PHACTR3: variants seen among roughly 807,000 people sequenced by gnomAD.
PHACTR3 encodes the protein phosphatase and actin regulator 3, also known as protein phosphatase 1, regulatory subunit 123.
PHACTR3 carries 16 observed loss-of-function variants against 66.8 expected under a neutral mutation model. The ratio of observed to expected loss-of-function variants is 0.24; its 90% CI spans 0.16 to 0.36. The LOEUF (loss-of-function observed/expected upper bound fraction) is 0.36. Ranked by LOEUF, PHACTR3 falls within the 10% of genes least tolerant of loss-of-function variation. PHACTR3 has a pLI of 1.00. For missense variants in PHACTR3, 647 were observed against 719.9 expected (o/e 0.90, Z 1.16); for synonymous variants, 323 against 292.1 (o/e 1.11, Z -1.08).
intron 7 of PHACTR3, 127 bp from the exon 8 acceptor site, chr20:59,805,914 A>G (rs935537269): frequency 6.9e-6 from 7 of 1,010,876 alleles, no homozygotes; most frequent in Non-Finnish European, 1.0e-5. Context: ...TCTCAGTTCT[A>G]GCCACCATCA....
intron 1 of PHACTR3, among the ~76,000 whole-genome samples, chr20:59,682,686 G>T (rs1394105874): frequency 6.6e-6 from 1 of 152,248 alleles, no homozygotes; most frequent in African/African-American, 2.4e-5. Context: ...AGCCGTGAAG[G>T]CGGTGAGGAA....
rs185235953 is a variant in PHACTR3, at chr20:59,639,926, C to T, written c.118+34794C>T. 2.0e-5 allele frequency among the ~76,000 whole-genome samples: 3 copies of T among 152,338 alleles called. No homozygotes were observed. The East Asian group carries it at 5.8e-4, about 29-fold the overall frequency. Reference sequence around the variant, plus strand: ...TAATGCAGGAAAAAAACTCGCAAACCTGGCCATGATGCCCCTAGGCCGACA... The same window carrying T: ...TAATGCAGGAAAAAAACTCGCAAACTTGGCCATGATGCCCCTAGGCCGACA... On this transcript the variant is annotated intron_variant, in intron 1 of 12. Coordinates refer to ENST00000371015, the MANE Select transcript of PHACTR3 (RefSeq NM_080672.5).
At chr20:59,748,211 A>T (rs7268469) in intron 3 of PHACTR3, among the ~76,000 whole-genome samples, 1 of 152,124 alleles carries the variant, frequency 6.6e-6, no homozygotes, top group African/African-American at 2.4e-5. Flanking sequence ...ATTTGGGCAA[A>T]TTATTTTTAA....
chr20:59,781,102 T>G (rs1244172297), intron 7 of PHACTR3, among the ~76,000 whole-genome samples: 1 of 152,200 alleles, frequency 6.6e-6, no homozygotes, highest in African/African-American at 2.4e-5. Flanking sequence ...TATTCCTCAT[T>G]CCTCGGCCAA....
upstream of PHACTR3, among the ~76,000 whole-genome samples, chr20:59,600,959 TTA>T (rs1477846506): frequency 1.3e-5 from 2 of 151,232 alleles, no homozygotes. Flanking sequence ...TTTTTTTTTT[TTA>T]AAGCTTTATT....
intron 2 of PHACTR3, among the ~76,000 whole-genome samples, chr20:59,743,712 G>A (rs1330258100): frequency 6.6e-6 from 1 of 152,220 alleles, no homozygotes; most frequent in African/African-American, 2.4e-5. Flanking sequence ...GGATGCTGGG[G>A]CCTGGGTCGT....
At chr20:59,663,135 T>C (rs1382557993) in intron 1 of PHACTR3, among the ~76,000 whole-genome samples, 2 of 152,206 alleles carry the variant, frequency 1.3e-5, no homozygotes, top group Non-Finnish European at 2.9e-5. Context: ...GCCTTTACTG[T>C]GCATGTCTCT....
chr20:59,824,522 T>C lies in PHACTR3; in HGVS notation c.1329-11983T>C, dbSNP rs2042130467. Reference sequence around the variant, plus strand: ...GGCTAATGGAGCAGCACCCGGTTCCTTTCTGTAATGGCATTGAATTCCACT... The same window carrying C: ...GGCTAATGGAGCAGCACCCGGTTCCCTTCTGTAATGGCATTGAATTCCACT... On this transcript the variant is annotated intron_variant, in intron 8 of 12. Coordinates refer to ENST00000371015, the MANE Select transcript of PHACTR3 (RefSeq NM_080672.5). Among the ~76,000 whole-genome samples the C allele has an allele frequency of 3.3e-5, 5 of 152,366 alleles. No individual in the cohort carries two copies. The South Asian group carries it at 1.0e-3, about 32-fold the overall frequency.
At chr20:59,788,591 T>A (rs2040996168) in intron 7 of PHACTR3, among the ~76,000 whole-genome samples, 1 of 152,290 alleles carries the variant, frequency 6.6e-6, no homozygotes, top group South Asian at 2.1e-4. Context: ...CTGTGCTCTC[T>A]CTTGAGGCTC....
At chr20:59,843,991 CCAT>C (rs1309009389) in intron 11 of PHACTR3, 1 of 151,628 alleles carries the variant, frequency 6.6e-6, no homozygotes, top group East Asian at 1.9e-4. Flanking sequence ...ACAAATAATC[CCAT>C]TAGAAAGTAG....
chr20:59,741,607 T>C (rs1364918738), intron 1 of PHACTR3, among the ~76,000 whole-genome samples: 1 of 152,184 alleles, frequency 6.6e-6, no homozygotes, highest in Non-Finnish European at 1.5e-5. Context: ...TTCTCTAACT[T>C]TACCATTTTG....
intron 1 of PHACTR3, among the ~76,000 whole-genome samples, chr20:59,675,986 G>T (rs973728385): frequency 6.6e-5 from 10 of 152,216 alleles, no homozygotes; most frequent in Non-Finnish European, 7.3e-5. Context: ...AGGGTCCCTG[G>T]CTTCAGCATT....
In PHACTR3 at chr20:59,820,604, C is replaced by G. The variant is rs559150542; in HGVS notation, c.1328+14410C>G. Among the ~76,000 whole-genome samples the G allele has an allele frequency of 2.6e-5, 4 of 152,094 alleles. No homozygotes were observed. The highest frequency in any genetic ancestry group is 7.2e-5 in the African/African-American group (3 of 41,400). ...CATGCAGGGTACAGGGAGTGGGTCC[C>G]GAGTCCCATCCTGTGCAGGGGAGAG... is the stretch of plus-strand genomic sequence containing the variant. On this transcript the variant is annotated intron_variant, in intron 8 of 12. Coordinates refer to ENST00000371015, the MANE Select transcript of PHACTR3 (RefSeq NM_080672.5). The surrounding 1 kb of genome is among the most constrained non-coding windows in gnomAD (Gnocchi z 4.6).
At chr20:59,655,103 T>G (rs2035575381) in intron 1 of PHACTR3, among the ~76,000 whole-genome samples, 1 of 152,078 alleles carries the variant, frequency 6.6e-6, no homozygotes, top group Admixed American at 6.6e-5. Flanking sequence ...AAAGTGAAAT[T>G]GCTGGAACAT....
intron 8 of PHACTR3, among the ~76,000 whole-genome samples, chr20:59,824,536 T>C (rs1025985881): frequency 4.6e-5 from 7 of 152,370 alleles, no homozygotes; most frequent in South Asian, 2.1e-4. Flanking sequence ...TGTAATGGCA[T>C]TGAATTCCAC....
intron 1 of PHACTR3, among the ~76,000 whole-genome samples, chr20:59,609,727 G>A (rs966493777): frequency 6.6e-6 from 1 of 152,122 alleles, no homozygotes; most frequent in African/African-American, 2.4e-5. Context: ...TTCCTTCCTC[G>A]AATGTTCTCT....
intron 8 of PHACTR3, among the ~76,000 whole-genome samples, chr20:59,824,196 G>A (rs1041836438): frequency 6.6e-6 from 1 of 152,158 alleles, no homozygotes; most frequent in African/African-American, 2.4e-5. Flanking sequence ...AGCACCTAGA[G>A]GAGTGTTTGG....
At chr20:59,621,080 A>G (rs890163488) in intron 1 of PHACTR3, among the ~76,000 whole-genome samples, 1 of 151,886 alleles carries the variant, frequency 6.6e-6, no homozygotes, top group Non-Finnish European at 1.5e-5. Flanking sequence ...TGCTCCCATC[A>G]TTGTCTGAGC....
intron 1 of PHACTR3, among the ~76,000 whole-genome samples, chr20:59,644,844 A>C (rs1269250346): frequency 1.3e-5 from 2 of 151,758 alleles, no homozygotes; most frequent in Admixed American, 1.3e-4. Flanking sequence ...TTTTTTTTAG[A>C]GGATCTCTTT....
Sources: allele counts gnomAD v4.1 joint callset (sites outside exome capture counted in the v4.1 genomes callset), GRCh38; gene constraint gnomAD v4.1.1; non-coding constraint Gnocchi (gnomAD v3.1); transcripts MANE v1.5; gene names NCBI Gene and HGNC (gene_info 2026-07-23, HGNC 2026-07-21).